MEGF6: variants seen among roughly 807,000 people sequenced by gnomAD.
MEGF6 encodes the protein multiple EGF like domains 6.
In MEGF6, 184 loss-of-function variants were observed where a neutral mutation model predicts 207.1. The observed-to-expected ratio is 0.89, with a 90% CI of 0.79 to 1.00. The LOEUF (loss-of-function observed/expected upper bound fraction) is 1.00, where lower values mean the gene tolerates loss of function less well. Among genes scored for constraint, MEGF6 ranks in the 50% least tolerant of loss-of-function variants. MEGF6 has a pLI of 0.00. For missense variants in MEGF6, 2,282 were observed against 2,202.9 expected, an observed-to-expected ratio of 1.04 and a Z score of -0.72; for synonymous variants, 1,038 against 910.0, an observed-to-expected ratio of 1.14 and a Z score of -2.53.
chr1:3,492,063 TGTG>T (rs1640395845), intron 35 of MEGF6, among the ~76,000 whole-genome samples: 1 of 151,858 alleles, frequency 6.6e-6, no homozygotes, highest in South Asian at 2.1e-4. Flanking sequence ...GCCTGCTGCC[TGTG>T]CAGGACTGCG....
At chr1:3,624,203 G>A in the MEGF6 span, 1 of 152,418 alleles carries the variant, frequency 6.6e-6, no homozygotes, top group East Asian at 1.9e-4. Context: ...CCTGGACTCT[G>A]CGCCTCCTTC....
At position 3,505,495 on chromosome 1, in the gene MEGF6, G is replaced by C; in HGVS notation, c.1980C>G (p.His660Gln). ...CATCCCTCTTGTCACAGGACTGCGT[G>C]TGGGGCTGCACACACTGGCACTCCT... ...CSEECQCVQP[H>Q]TQSCDKRDGS... The change falls in exon 16 of 37, where the codon CAC (histidine) becomes CAG (glutamine). Residue 660 changes from histidine to glutamine, a missense_variant. Coordinates refer to ENST00000356575, the MANE Select transcript of MEGF6 (RefSeq NM_001409.4). The C allele has an allele frequency of 6.2e-7, 1 of 1,607,762 alleles. No homozygotes were observed.
chr1:3,517,828 C>A (rs956514965), intron 5 of MEGF6, among the ~76,000 whole-genome samples: 1 of 152,248 alleles, frequency 6.6e-6, no homozygotes, highest in Admixed American at 6.5e-5. Flanking sequence ...CAGCCCTCAC[C>A]TGGCTCACCT....
intron 3 of MEGF6, among the ~76,000 whole-genome samples, chr1:3,582,663 T>G (rs1643827199): frequency 6.6e-6 from 1 of 152,028 alleles, no homozygotes. Context: ...GGCCCCCAGA[T>G]CCTCCCTATT....
rs553889114 is a variant in MEGF6, at chr1:3,596,247, T to C, written c.267-800A>G. On this transcript the variant is annotated intron_variant, in intron 2 of 36. Transcript: ENST00000356575. The stretch of plus-strand genomic sequence containing the variant: ...GCTGTCACTAAGGCTGAGCAGAAAA[T>C]GGTAAGGCCCCCCAGGAGACGGCAG... Among the ~76,000 whole-genome samples, 13 of 151,916 alleles carry C rather than the reference T, an allele frequency of 8.6e-5. No homozygotes were observed. In the East Asian group the frequency reaches 2.5e-3, roughly 30 times the overall value.
chr1:3,506,336 A>C (rs1641118303), intron 14 of MEGF6, 100 bp from the exon 15 acceptor site: 1 of 1,416,810 alleles, frequency 7.1e-7, no homozygotes, highest in Non-Finnish European at 9.5e-7. Flanking sequence ...GGCCCAGCAC[A>C]GGAGCTGGGA....
intron 7 of MEGF6, among the ~76,000 whole-genome samples, chr1:3,513,017 G>A (rs1331894019): frequency 6.6e-6 from 1 of 152,152 alleles, no homozygotes; most frequent in Non-Finnish European, 1.5e-5. Flanking sequence ...ATGGTGTGGT[G>A]TGGCAGAGGG....
chr1:3,587,775 G>A lies in MEGF6; in HGVS notation c.376+7563C>T, dbSNP rs79250533. ...ACCTCCCTGCAGACTCAAAGCCTGC[G>A]CAGGCCATGGATTTCCTGAGAATGT... On this transcript the variant is annotated intron_variant, in intron 3 of 36. Transcript: ENST00000356575. 8.5e-5 allele frequency among the ~76,000 whole-genome samples: 13 copies of A among 152,314 alleles called. No individual in the cohort carries two copies. In the East Asian group the frequency reaches 1.7e-3, roughly 20 times the overall value.
intron 17 of MEGF6, among the ~76,000 whole-genome samples, chr1:3,503,910 C>T (rs1299913666): frequency 6.6e-6 from 1 of 152,170 alleles, no homozygotes; most frequent in African/African-American, 2.4e-5. Context: ...GAGCTTCTGC[C>T]AGTCCAGGTC....
At chr1:3,584,371 A>G (rs769767085) in intron 3 of MEGF6, among the ~76,000 whole-genome samples, 2 of 152,204 alleles carry the variant, frequency 1.3e-5, no homozygotes, top group Non-Finnish European at 2.9e-5. Context: ...GCTTGGCCAG[A>G]GCCCTTGGCA....
At position 3,509,885 on chromosome 1, in the gene MEGF6, G is replaced by A. The variant is rs763899689; in HGVS notation, c.1342C>T (p.Arg448Cys). The A allele has an allele frequency of 6.5e-5, 101 of 1,559,594 alleles. No homozygotes were observed. Among genetic ancestry groups the A allele is most frequent in the Non-Finnish European group, 8.2e-5 (95 of 1,154,614 alleles). ...CEAGYRLHED[R>C]RGCSPLEEPM... ...GGAGACTCACGGCTGCAGCCCCTAC[G>A]GTCCTCGTGCAGCCGGTAGCCGGCC... is the stretch of plus-strand genomic sequence containing the variant. Residue 448 changes from arginine (R) to cysteine (C), a missense_variant, in exon 11 of 37, where the codon CGT (arginine) becomes TGT (cysteine). Coordinates refer to ENST00000356575, the MANE Select transcript of MEGF6 (RefSeq NM_001409.4).
At position 3,499,124 on chromosome 1, in the gene MEGF6, T is replaced by G. The variant is rs535955366; in HGVS notation, c.3094+14A>C. 1.6e-4 allele frequency: 253 copies of G among 1,602,286 alleles called. 2 individuals are homozygous for G. The South Asian group carries it at 2.4e-3, about 15-fold the overall frequency. ...GCCTGGACCCCGGTCCCTGGACTCCTAGATGTGGCTTACCCTGCAGGCAGG... is the reference window on the plus strand; with the variant it reads ...GCCTGGACCCCGGTCCCTGGACTCCGAGATGTGGCTTACCCTGCAGGCAGG... On this transcript the variant is annotated intron_variant, in intron 24 of 36. Coordinates refer to ENST00000356575, the MANE Select transcript of MEGF6 (RefSeq NM_001409.4).
rs977159423 is a variant in MEGF6, at chr1:3,500,695, C to T, written c.2645G>A (p.Cys882Tyr). Reference protein sequence around the residue: ...PCNCSAGHGSCDAISGLCLCE... With the variant: ...PCNCSAGHGSYDAISGLCLCE... ...CAGACACAGGCCGCTGATGGCATCA[C>T]AGCTCCCGTGGCCAGCGCTGCAGTT... is the stretch of plus-strand genomic sequence containing the variant. The change falls in exon 21 of 37, where the codon TGT becomes TAT. Residue 882 changes from cysteine to tyrosine, a missense_variant. Transcript: ENST00000356575. 10 of 1,583,768 alleles carry T rather than the reference C, an allele frequency of 6.3e-6. No individual in the cohort carries two copies. Among genetic ancestry groups the T allele is most frequent in the Admixed American group, 1.8e-5 (1 of 56,016 alleles).
chr1:3,537,293 A>C (rs1300093608), intron 4 of MEGF6, among the ~76,000 whole-genome samples: 1 of 152,208 alleles, frequency 6.6e-6, no homozygotes, highest in Non-Finnish European at 1.5e-5. Flanking sequence ...CTGGCATGAA[A>C]CAGGGGGAAG....
chr1:3,605,522 TCA>T (rs1285358018), intron 1 of MEGF6, among the ~76,000 whole-genome samples: 4 of 145,528 alleles, frequency 2.7e-5, no homozygotes, highest in Non-Finnish European at 3.0e-5. Context: ...ACATACACAT[TCA>T]CACTCACACA....
chr1:3,559,739 C>T (rs1339943825), intron 4 of MEGF6, among the ~76,000 whole-genome samples: 3 of 152,046 alleles, frequency 2.0e-5, no homozygotes, highest in African/African-American at 4.8e-5. Flanking sequence ...CGGCCGGGTA[C>T]GGTGGCTCAA....
intron 5 of MEGF6, among the ~76,000 whole-genome samples, chr1:3,519,172 C>A (rs1011630205): frequency 6.6e-6 from 1 of 152,204 alleles, no homozygotes; most frequent in Non-Finnish European, 1.5e-5. Context: ...CCACCCCTGG[C>A]CAGGGCCAGA....
At chr1:3,607,531 C>T (rs934953914) in intron 1 of MEGF6, among the ~76,000 whole-genome samples, 8 of 152,204 alleles carry the variant, frequency 5.3e-5, no homozygotes, top group African/African-American at 1.7e-4. Context: ...ACGGCCACAG[C>T]ACCGCACCCG....
At chr1:3,496,435 G>A (rs1381122777) in intron 29 of MEGF6, among the ~76,000 whole-genome samples, 2 of 152,268 alleles carry the variant, frequency 1.3e-5, no homozygotes, top group Non-Finnish European at 2.9e-5. Flanking sequence ...TGCAGGGGCA[G>A]AGCTAGCAGA....
Sources: gnomAD v4.1 joint callset for allele counts (sites outside exome capture counted in the v4.1 genomes callset) on GRCh38, gnomAD v4.1.1 for gene constraint, MANE v1.5 for transcripts, NCBI Gene and HGNC (gene_info 2026-07-23, HGNC 2026-07-21) for gene names.